PABIR2: variants seen among roughly 807,000 people sequenced by gnomAD.
PABIR2 encodes the protein PABIR family member 2.
In PABIR2, 7 loss-of-function variants were observed where a neutral mutation model predicts 22.8. The ratio of observed to expected loss-of-function variants is 0.31; its 90% CI spans 0.17 to 0.58. PABIR2 has a LOEUF of 0.58. PABIR2 is among the 20% of genes least tolerant of loss of function. The pLI, the probability that PABIR2 is intolerant of heterozygous loss-of-function variation, is 0.89. For synonymous variants in PABIR2, 67 were observed against 73.8 expected (o/e 0.91, Z 0.47); for missense variants, 155 against 205.1 (o/e 0.76, Z 1.49).
rs1005833572 is a variant in PABIR2 at position 134,796,306 on chromosome X, C to A, written c.-101G>T. 20 of 202,296 alleles carry A rather than the reference C, an allele frequency of 9.9e-5. No individual in the cohort carries two copies. The highest frequency in any genetic ancestry group is 1.3e-4 in the Non-Finnish European group (18 of 141,909). The allele number at this position is 202,296 out of a possible 1,213,427, so 16.7% of individuals were successfully genotyped here. A position where few individuals can be genotyped will look rare whatever the true frequency, so the allele number is the denominator to read the frequency against. ...GCAGGACTGAGCTGCTGGGGACTGG[C>A]AGCTGGGGGCGGGGGCTAAGGGGCG... On this transcript the variant is annotated 5_prime_UTR_variant, in exon 1 of 10. Transcript: ENST00000343004.
chrX:134,796,549 G>A lies in PABIR2; in HGVS notation c.-344C>T, dbSNP rs1405429768. The A allele has an allele frequency of 1.4e-5, 2 of 146,542 alleles. No individual in the cohort carries two copies. Among genetic ancestry groups the A allele is most frequent in the Admixed American group, 1.6e-4 (2 of 12,497 alleles). The allele number at this position is 146,542 out of a possible 1,213,427, so 12.1% of individuals were successfully genotyped here. A position where few individuals can be genotyped will look rare whatever the true frequency, so the allele number is the denominator to read the frequency against. On this transcript the variant is annotated 5_prime_UTR_variant, in exon 1 of 10. Transcript: ENST00000343004. Reference sequence around the variant, plus strand: ...GAGGGAAGAGGGAGGGAAAAGGATAGGTGGAAAAGCAGGAGGACAGAGAGG... The same window carrying A: ...GAGGGAAGAGGGAGGGAAAAGGATAAGTGGAAAAGCAGGAGGACAGAGAGG...
Position 134,772,125 on chromosome X carries a change from C to T in PABIR2, c.*14G>A, listed in dbSNP as rs2078849914. On this transcript the variant is annotated 3_prime_UTR_variant, in exon 10 of 10. Transcript: ENST00000343004. ...GGAAACAGCAGTTAAAACGTTGAAT[C>T]AGAAATGGTTAAGTCACTTGGGTGA... 1 of 1,177,304 alleles carries T rather than the reference C, an allele frequency of 8.5e-7. No homozygotes were observed. Among genetic ancestry groups the T allele is most frequent in the African/African-American group, 1.8e-5 (1 of 56,383 alleles).
rs2078845841 is a variant in PABIR2, at chrX:134,771,903, T to C, written c.*236A>G. On this transcript the variant is annotated 3_prime_UTR_variant, in exon 10 of 10. Coordinates refer to ENST00000343004, the MANE Select transcript of PABIR2 (RefSeq NM_001387468.1). ...TCCTCTAAGCAATCAAAAATCAGCATTTGAGATTTAATCACTAAATCCAAA... is the reference window on the plus strand; with the variant it reads ...TCCTCTAAGCAATCAAAAATCAGCACTTGAGATTTAATCACTAAATCCAAA... 1 of 941,463 alleles carries C rather than the reference T, an allele frequency of 1.1e-6. No individual in the cohort carries two copies. The highest frequency in any genetic ancestry group is 2.0e-5 in the African/African-American group (1 of 49,036). The allele number at this position is 941,463 out of a possible 1,213,427, so 77.6% of individuals were successfully genotyped here.
intron 9 of PABIR2, among the ~76,000 whole-genome samples, chrX:134,777,070 A>C (rs991360211): frequency 3.6e-5 from 4 of 112,282 alleles, no homozygotes; most frequent in African/African-American, 1.3e-4. Flanking sequence ...TAAATAAACA[A>C]AAAATTAGCC....
intron 6 of PABIR2, among the ~76,000 whole-genome samples, chrX:134,788,349 T>C (rs1436624258): frequency 2.7e-4 from 11 of 40,812 alleles, no homozygotes; most frequent in African/African-American, 1.1e-3. Flanking sequence ...ACGTTATATA[T>C]GTGTAATATA....
At chrX:134,793,554 C>T in intron 2 of PABIR2, 2 of 442,589 alleles carry the variant, frequency 4.5e-6, no homozygotes, top group Non-Finnish European at 8.3e-6. Context: ...TGACTTACCT[C>T]ACAAGCCTGA....
Position 134,772,080 on chromosome X carries a change from C to T in PABIR2, c.*59G>A. 1 of 1,135,639 alleles carries T rather than the reference C, an allele frequency of 8.8e-7. No individual in the cohort carries two copies. Among genetic ancestry groups the T allele is most frequent in the Non-Finnish European group, 1.2e-6 (1 of 853,739 alleles). The allele number at this position is 1,135,639 out of a possible 1,213,427, so 93.6% of individuals were successfully genotyped here. A position where few individuals can be genotyped will look rare whatever the true frequency, so the allele number is the denominator to read the frequency against. ...TTATGGATCAAAGTTCTCTGCGTTCCCCACTAAACATTTTATGTAGGAAAC... is the reference window on the plus strand; with the variant it reads ...TTATGGATCAAAGTTCTCTGCGTTCTCCACTAAACATTTTATGTAGGAAAC... On this transcript the variant is annotated 3_prime_UTR_variant, in exon 10 of 10. Coordinates refer to ENST00000343004, the MANE Select transcript of PABIR2 (RefSeq NM_001387468.1).
At position 134,771,187 on chromosome X, in the gene PABIR2, T is replaced by C; in HGVS notation, c.*952A>G. On this transcript the variant is annotated 3_prime_UTR_variant, in exon 10 of 10. Transcript: ENST00000343004. The stretch of plus-strand genomic sequence containing the variant: ...CTTATGATATACATCCCTTATAGCA[T>C]GACAATGTACCCCAAGGCACCTGAG... The C allele has an allele frequency of 1.3e-6, 1 of 752,358 alleles. No individual in the cohort carries two copies. The highest frequency in any genetic ancestry group is 1.8e-6 in the Non-Finnish European group (1 of 547,466). The allele number at this position is 752,358 out of a possible 1,213,427, so 62.0% of individuals were successfully genotyped here. A position where few individuals can be genotyped will look rare whatever the true frequency, so the allele number is the denominator to read the frequency against.
At chrX:134,774,159 G>C (rs965398280) in intron 9 of PABIR2, among the ~76,000 whole-genome samples, 2 of 111,946 alleles carry the variant, frequency 1.8e-5, no homozygotes, top group Non-Finnish European at 3.8e-5. Flanking sequence ...AGCTGGCTCC[G>C]ATATTTTTTC....
intron 9 of PABIR2, 120 bp from the exon 10 acceptor site, chrX:134,772,403 T>C: frequency 1.4e-6 from 1 of 725,327 alleles, no homozygotes; most frequent in Non-Finnish European, 2.0e-6. Context: ...TAAAAAAGCA[T>C]AAAGCCACAG....
chrX:134,795,607 T>A (rs762542600), intron 1 of PABIR2, among the ~76,000 whole-genome samples: 1 of 112,336 alleles, frequency 8.9e-6, no homozygotes, highest in Non-Finnish European at 1.9e-5. Flanking sequence ...TTTTAGAACC[T>A]GAAAACATTA....
chrX:134,777,884 GGT>G, intron 9 of PABIR2, among the ~76,000 whole-genome samples: 1 of 97,897 alleles, frequency 1.0e-5, no homozygotes, highest in Non-Finnish European at 2.0e-5. Context: ...TTGTTTGGTT[GGT>G]TTTTTTTTTT....
At chrX:134,784,339 C>A (rs941905996) in intron 8 of PABIR2, among the ~76,000 whole-genome samples, 1 of 109,383 alleles carries the variant, frequency 9.1e-6, no homozygotes, top group African/African-American at 3.3e-5. Flanking sequence ...GTGGTGGGTG[C>A]TTCTAATCCC....
At chrX:134,777,049 C>T (rs2078997056) in intron 9 of PABIR2, among the ~76,000 whole-genome samples, 1 of 112,208 alleles carries the variant, frequency 8.9e-6, no homozygotes, top group Admixed American at 9.5e-5. Flanking sequence ...ATCAGATTAA[C>T]AGCAGGTAGG....
At chrX:134,783,402 G>A (rs1356349536) in intron 8 of PABIR2, among the ~76,000 whole-genome samples, 15 of 112,170 alleles carry the variant, frequency 1.3e-4, no homozygotes, top group South Asian at 3.7e-4. Flanking sequence ...AAGGTGATCC[G>A]CACAAAGAAA....
At chrX:134,789,372 T>C in intron 3 of PABIR2, 106 bp from the exon 4 acceptor site, 1 of 1,044,537 alleles carries the variant, frequency 9.6e-7, no homozygotes, top group Middle Eastern at 2.6e-4. Flanking sequence ...TCAAATAAAA[T>C]AAAAAGACTT....
At chrX:134,778,270 C>T (rs1363484359) in intron 9 of PABIR2, among the ~76,000 whole-genome samples, 5 of 102,345 alleles carry the variant, frequency 4.9e-5, no homozygotes, top group Admixed American at 1.0e-4. Context: ...TTTGAGAGGC[C>T]GAGGCGGGCG....
rs1432213503 is a variant in PABIR2 at position 134,781,882 on chromosome X, AG to A, written c.597del (p.Phe200SerfsTer50). 8.3e-7 allele frequency: 1 copy of A among 1,203,872 alleles called. No individual in the cohort carries two copies. The highest frequency in any genetic ancestry group is 1.1e-6 in the Non-Finnish European group (1 of 891,567). The part of the protein sequence containing the change: ...EMETESQPKR[L>X]FQGTTNMLSP... ...GATAACATATTGGTAGTGCCTTGGA[AG>A]AGTCTCTTGGGCTGACTTTCTGTCT... On this transcript the variant is annotated frameshift_variant, in exon 9 of 10. Transcript: ENST00000343004. LOFTEE classifies it high-confidence loss of function.
intron 7 of PABIR2, among the ~76,000 whole-genome samples, chrX:134,786,453 G>A (rs1312430322): frequency 1.8e-5 from 2 of 111,368 alleles, no homozygotes; most frequent in Non-Finnish European, 3.8e-5. Context: ...GGGAGGCAGA[G>A]GTTGCAGTGA....
Sources: gnomAD v4.1 joint callset for allele counts (sites outside exome capture counted in the v4.1 genomes callset) on GRCh38, gnomAD v4.1.1 for gene constraint, MANE v1.5 for transcripts, NCBI Gene and HGNC (gene_info 2026-07-23, HGNC 2026-07-21) for gene names.